TENM2: variants seen among roughly 807,000 people sequenced by gnomAD.
The protein encoded by TENM2 is teneurin-2.
A neutral mutation model predicts 245.2 loss-of-function variants in TENM2; 52 were observed. The observed-to-expected ratio is 0.21, with a 90% confidence interval of 0.17 to 0.27. TENM2 has a LOEUF of 0.27. TENM2 is among the 10% of genes least tolerant of loss of function. TENM2 has a pLI of 1.00. For synonymous variants in TENM2, 1,363 were observed against 1,438.9 expected (o/e 0.95, Z 1.19); for missense variants, 3,046 against 3,666.8 (o/e 0.83, Z 4.37).
At chr5:168,202,539 A>C (rs1164195489) in intron 17 of TENM2, among the ~76,000 whole-genome samples, 1 of 149,680 alleles carries the variant, frequency 6.7e-6, no homozygotes, top group Non-Finnish European at 1.5e-5. Context: ...GGCTGGTGTC[A>C]TTGTGTTCAT....
At chr5:167,445,363 A>AGAGAGAGAGAGAGAGG (rs1561961822) in intron 2 of TENM2, among the ~76,000 whole-genome samples, 3 of 139,684 alleles carry the variant, frequency 2.1e-5, no homozygotes, top group African/African-American at 8.0e-5. Flanking sequence ...AGAGAGAGAG[A>AGAGAGAGAGAGAGAGG]GAGAGAGTGT....
At chr5:167,605,964 T>A (rs185736) in intron 2 of TENM2, among the ~76,000 whole-genome samples, 2,839 of 152,280 alleles carry the variant, frequency 0.019, 94 homozygotes, top group African/African-American at 0.065. Context: ...AGGGGGCTTC[T>A]CATGCATTTA....
the TENM2 span, among the ~76,000 whole-genome samples, chr5:167,067,546 C>G: frequency 1.3e-5 from 2 of 152,210 alleles, no homozygotes; most frequent in Admixed American, 1.3e-4. Flanking sequence ...TTCCATTTAA[C>G]AAGAATAAGA....
At chr5:167,783,066 G>A (rs1360015465) in intron 2 of TENM2, among the ~76,000 whole-genome samples, 1 of 152,162 alleles carries the variant, frequency 6.6e-6, no homozygotes. Context: ...AAGTGGGGAA[G>A]GGGTTGCTTA....
At chr5:167,834,640 CT>C (rs555150513) in intron 2 of TENM2, among the ~76,000 whole-genome samples, 5,153 of 129,512 alleles carry the variant, frequency 0.04, 87 homozygotes, top group African/African-American at 0.12. Flanking sequence ...TGTACAATTT[CT>C]TTTTTTTTTT....
Position 168,256,119 on chromosome 5 carries a change from A to G in TENM2, c.7433-4164A>G, listed in dbSNP as rs148328819. On this transcript the variant is annotated intron_variant, in intron 27 of 28. Coordinates refer to ENST00000518659, the Ensembl canonical transcript of TENM2. ...GCGCCTGGCTAGAATTTATTTTTTT[A>G]ATGGATTTACCTAAATGGAAAGGCA... is the stretch of plus-strand genomic sequence containing the variant. Among the ~76,000 whole-genome samples the G allele has an allele frequency of 3.9e-3, 586 of 152,034 alleles. 3 individuals are homozygous for G. The highest frequency in any genetic ancestry group is 0.013 in the African/African-American group (558 of 41,478).
intron 12 of TENM2, among the ~76,000 whole-genome samples, chr5:168,156,247 TAAA>T (rs58825054): frequency 2.5e-5 from 2 of 80,792 alleles, no homozygotes; most frequent in Non-Finnish European, 4.2e-5. Context: ...TCCCCATAGT[TAAA>T]AAAAAAAAAA....
chr5:167,265,422 A>C, the TENM2 span, among the ~76,000 whole-genome samples: 1 of 152,010 alleles, frequency 6.6e-6, no homozygotes, highest in African/African-American at 2.4e-5. Context: ...TTGGGGATAC[A>C]GAACTGGTTA....
At chr5:167,519,174 C>T (rs1178668830) in intron 2 of TENM2, among the ~76,000 whole-genome samples, 3 of 152,084 alleles carry the variant, frequency 2.0e-5, no homozygotes, top group African/African-American at 7.2e-5. Context: ...ACATTTTATC[C>T]TGTATGGTTG....
At chr5:167,245,188 T>C in the TENM2 span, among the ~76,000 whole-genome samples, 3 of 152,264 alleles carry the variant, frequency 2.0e-5, no homozygotes, top group East Asian at 5.8e-4. Flanking sequence ...AATGCTAATA[T>C]TTGTAATGTC....
the TENM2 span, among the ~76,000 whole-genome samples, chr5:166,991,190 A>G: frequency 0.23 from 33,849 of 148,648 alleles, 4,706 homozygotes; most frequent in Non-Finnish European, 0.32. Context: ...TTTTTTCCAA[A>G]TCTTCCTTTT....
intron 2 of TENM2, among the ~76,000 whole-genome samples, chr5:167,587,268 T>A (rs1256182914): frequency 6.6e-6 from 1 of 152,184 alleles, no homozygotes; most frequent in Non-Finnish European, 1.5e-5. Context: ...CAGAATAGTT[T>A]GGGGAGTATT....
intron 13 of TENM2, among the ~76,000 whole-genome samples, chr5:168,181,032 T>C (rs1759834146): frequency 6.6e-6 from 1 of 152,220 alleles, no homozygotes; most frequent in Non-Finnish European, 1.5e-5. Context: ...CAACGCTGGT[T>C]TAAAGCTTAG....
the TENM2 span, among the ~76,000 whole-genome samples, chr5:167,041,583 A>G: frequency 6.6e-6 from 1 of 152,234 alleles, no homozygotes; most frequent in Non-Finnish European, 1.5e-5. Context: ...TAGCTTTAAT[A>G]AAAGAGTCTT....
chr5:167,805,742 T>G (rs1198947412), intron 2 of TENM2, among the ~76,000 whole-genome samples: 1 of 152,132 alleles, frequency 6.6e-6, no homozygotes, highest in African/African-American at 2.4e-5. Context: ...TGATGCCTAT[T>G]TAATGAGGTG....
At chr5:167,483,026 C>T (rs1186939293) in intron 2 of TENM2, among the ~76,000 whole-genome samples, 1 of 152,200 alleles carries the variant, frequency 6.6e-6, no homozygotes, top group Non-Finnish European at 1.5e-5. Flanking sequence ...TCGAAAGCTA[C>T]AGCTATACCA....
At chr5:167,368,320 TGGG>T (rs981312407) in intron 1 of TENM2, among the ~76,000 whole-genome samples, 1 of 152,134 alleles carries the variant, frequency 6.6e-6, no homozygotes, top group African/African-American at 2.4e-5. Context: ...AATAACAGTT[TGGG>T]GGTGGGGCAT....
chr5:167,697,746 A>C (rs1220621842), intron 2 of TENM2, among the ~76,000 whole-genome samples: 1 of 152,126 alleles, frequency 6.6e-6, no homozygotes, highest in South Asian at 2.1e-4. Flanking sequence ...GCTGGTCTCG[A>C]ACTCCTGACC....
chr5:168,125,004 C>A (rs1318271231), exon 11 of TENM2: 1 of 1,610,794 alleles, frequency 6.2e-7, no homozygotes, highest in Non-Finnish European at 8.5e-7. Flanking sequence ...CTGACACGGG[C>A]CTCTGCAGCT....
Sources: allele counts gnomAD v4.1 joint callset (sites outside exome capture counted in the v4.1 genomes callset), GRCh38; gene constraint gnomAD v4.1.1; transcripts MANE v1.5; gene names NCBI Gene and HGNC (gene_info 2026-07-23, HGNC 2026-07-21).